Variants in GTF2H5 observed in about 807,000 individuals in gnomAD.
GTF2H5 encodes the protein TFB5 ortholog.
Under a neutral mutation model 7.1 loss-of-function variants are expected in GTF2H5, and 5 were observed. The observed-to-expected ratio is 0.71, with a 90% confidence interval of 0.37 to 1.49. The LOEUF (loss-of-function observed/expected upper bound fraction) is 1.49. GTF2H5 is among the 40% of genes most tolerant of loss of function. The probability of loss-of-function intolerance (pLI) is 0.03; values close to 1 mark genes in which losing one functional copy is unlikely to be tolerated. For synonymous variants in GTF2H5, 30 were observed against 31.7 expected, an observed-to-expected ratio of 0.95 and a Z score of 0.18; for missense variants, 80 against 83.0, an observed-to-expected ratio of 0.96 and a Z score of 0.14.
intron 2 of GTF2H5, 75 bp from the exon 3 acceptor site, chr6:158,191,902 C>A (rs1425475642): frequency 3.5e-6 from 4 of 1,157,972 alleles, no homozygotes; most frequent in Non-Finnish European, 5.2e-6. Flanking sequence ...TCTACATGTT[C>A]ACATTTAATT....
chr6:158,190,798 T>G, intron 2 of GTF2H5: 1 of 381,948 alleles, frequency 2.6e-6, no homozygotes. Context: ...TCTCAAGAAT[T>G]GCAAAAATCT....
rs1360340526 is a variant in GTF2H5, at chr6:158,169,374, T to C, written c.-35+979T>C. 6.4e-5 allele frequency among the ~76,000 whole-genome samples: 6 copies of C among 94,008 alleles called. 1 individual carries two copies. Among genetic ancestry groups the C allele is most frequent in the African/African-American group, 2.5e-4 (5 of 20,174 alleles). The allele number at this position is 94,008 out of a possible 152,430, so 61.7% of individuals were successfully genotyped here. On this transcript the variant is annotated intron_variant, in intron 1 of 2. Coordinates refer to ENST00000607778, the MANE Select transcript of GTF2H5 (RefSeq NM_207118.3). ...ATATATAATACATATATATAATATG[T>C]ATATTATATATTATATATAATATTA...
Position 158,192,342 on chromosome 6 carries a change from TA to T in GTF2H5, c.*198del, listed in dbSNP as rs3841147. 0.33 allele frequency: 157,814 copies of T among 472,478 alleles called. 3,613 individuals are homozygous for T. Among genetic ancestry groups the T allele is most frequent in the East Asian group, 0.47 (13,157 of 27,852 alleles). 29.3% of individuals were successfully genotyped at this position (472,478 alleles called of 1,614,324 possible). A position where few individuals can be genotyped will look rare whatever the true frequency, so the allele number is the denominator to read the frequency against. On this transcript the variant is annotated 3_prime_UTR_variant, in exon 3 of 3. Coordinates refer to ENST00000607778, the MANE Select transcript of GTF2H5 (RefSeq NM_207118.3). Reference sequence around the variant, plus strand: ...GAACTGATTTTGTTACCATAGAATTTAAAAAAAAAAAAAGCTTTAACAGTTG... The same window carrying T: ...GAACTGATTTTGTTACCATAGAATTTAAAAAAAAAAAAGCTTTAACAGTTG...
rs1221275262 is a variant in GTF2H5 at position 158,169,478 on chromosome 6, ATATAATATATTGTATAT to A, written c.-34-987_-34-971del. ...TTATATATATTATATTGTATATTAT[ATATAATATATTGTATAT>A]TATATAATATATTGTATATTATATA... On this transcript the variant is annotated intron_variant, in intron 1 of 2. Coordinates refer to ENST00000607778, the MANE Select transcript of GTF2H5 (RefSeq NM_207118.3). 1.7e-3 allele frequency among the ~76,000 whole-genome samples: 117 copies of A among 67,950 alleles called. 4 individuals carry two copies. Among genetic ancestry groups the A allele is most frequent in the African/African-American group, 6.4e-3 (87 of 13,680 alleles). The allele number at this position is 67,950 out of a possible 152,430, so 44.6% of individuals were successfully genotyped here.
intron 2 of GTF2H5, among the ~76,000 whole-genome samples, chr6:158,172,511 G>GAT (rs1785871793): frequency 6.6e-6 from 1 of 152,028 alleles, no homozygotes; most frequent in Non-Finnish European, 1.5e-5. Context: ...TGTTGGCCAG[G>GAT]CTGGTCTCGA....
rs1777096344 is a variant in GTF2H5, at chr6:158,195,701, T to G, written c.*3544T>G. 1 of 152,212 alleles carries G rather than the reference T, an allele frequency of 6.6e-6. No homozygotes were observed. The highest frequency in any genetic ancestry group is 2.4e-5 in the African/African-American group (1 of 41,454). The allele number at this position is 152,212 out of a possible 1,614,324, so 9.4% of individuals were successfully genotyped here. On this transcript the variant is annotated 3_prime_UTR_variant, in exon 3 of 3. Coordinates refer to ENST00000607778, the MANE Select transcript of GTF2H5 (RefSeq NM_207118.3). ...TACTTACTACTCTATTTTGCAGTTA[T>G]ACAATAAATCTTACTTAGCTGACAA...
intron 2 of GTF2H5, among the ~76,000 whole-genome samples, chr6:158,179,962 T>C (rs974716720): frequency 3.9e-5 from 6 of 152,174 alleles, no homozygotes; most frequent in African/African-American, 1.2e-4. Context: ...CAGTATGATA[T>C]TGGCTGTGGG....
intron 2 of GTF2H5, among the ~76,000 whole-genome samples, chr6:158,184,213 T>G (rs1391870787): frequency 6.6e-6 from 1 of 152,016 alleles, no homozygotes; most frequent in Non-Finnish European, 1.5e-5. Flanking sequence ...GGTAGTGATT[T>G]GGGTTTTCTG....
Position 158,169,462 on chromosome 6 carries a change from T to A in GTF2H5, c.-34-1008T>A, listed in dbSNP as rs191685855. Among the ~76,000 whole-genome samples the A allele has an allele frequency of 1.9e-3, 135 of 69,822 alleles. 5 individuals carry two copies. The highest frequency in any genetic ancestry group is 8.2e-3 in the Middle Eastern group (1 of 122). The allele number at this position is 69,822 out of a possible 152,430, so 45.8% of individuals were successfully genotyped here. On this transcript the variant is annotated intron_variant, in intron 1 of 2. Transcript: ENST00000607778. ...TTATATATATTATATATTATATATA[T>A]TATATTGTATATTATATATAATATA...
rs563031550 is a variant in GTF2H5, at chr6:158,199,034, C to A, written c.*6877C>A. 42 of 152,268 alleles carry A rather than the reference C, an allele frequency of 2.8e-4. No homozygotes were observed. The highest frequency in any genetic ancestry group is 9.9e-4 in the African/African-American group (41 of 41,558). The allele number at this position is 152,268 out of a possible 1,614,324, so 9.4% of individuals were successfully genotyped here. The stretch of plus-strand genomic sequence containing the variant: ...ATTTGTTAATTCTCCATGATTAGCA[C>A]CTTTATGTGGTTATCTCATTATTTT... On this transcript the variant is annotated 3_prime_UTR_variant, in exon 3 of 3. Transcript: ENST00000607778.
chr6:158,190,157 C>T (rs1777002837), intron 2 of GTF2H5, among the ~76,000 whole-genome samples: 1 of 152,048 alleles, frequency 6.6e-6, no homozygotes, highest in African/African-American at 2.4e-5. Context: ...CCAGCCTAGG[C>T]CTCTCGAAGT....
intron 2 of GTF2H5, among the ~76,000 whole-genome samples, chr6:158,180,342 T>C (rs996324191): frequency 6.6e-6 from 1 of 152,208 alleles, no homozygotes; most frequent in Admixed American, 6.5e-5. Context: ...TCTTTTTTTG[T>C]TGTGTTTCTG....
At chr6:158,183,034 A>G (rs1326793995) in intron 2 of GTF2H5, among the ~76,000 whole-genome samples, 1 of 151,726 alleles carries the variant, frequency 6.6e-6, no homozygotes, top group Non-Finnish European at 1.5e-5. Flanking sequence ...TTGGTCTTTG[A>G]TGTTGGTGAC....
intron 2 of GTF2H5, among the ~76,000 whole-genome samples, chr6:158,186,558 A>G (rs954737012): frequency 2.0e-5 from 3 of 152,398 alleles, no homozygotes; most frequent in Admixed American, 6.5e-5. Context: ...CTGTAAATCA[A>G]AAAGTATCTG....
In GTF2H5 at chr6:158,196,133, T is replaced by G. The variant is rs796704254; in HGVS notation, c.*3976T>G. ...CGTCTCTACTAAAAATACAAAAAAA[T>G]TAGCTGGGCATGGTGGTGGACGCCT... On this transcript the variant is annotated 3_prime_UTR_variant, in exon 3 of 3. Coordinates refer to ENST00000607778, the MANE Select transcript of GTF2H5 (RefSeq NM_207118.3). 3.9e-5 allele frequency: 6 copies of G among 152,158 alleles called. No homozygotes were observed. Among genetic ancestry groups the G allele is most frequent in the African/African-American group, 1.4e-4 (6 of 41,488 alleles). 9.4% of individuals were successfully genotyped at this position (152,158 alleles called of 1,614,324 possible).
chr6:158,170,593 G>A, intron 2 of GTF2H5, 55 bp downstream of exon 2: 1 of 1,193,644 alleles, frequency 8.4e-7, no homozygotes, highest in African/African-American at 1.5e-5. Flanking sequence ...ATCTTGACTT[G>A]TATGTATGTC....
intron 2 of GTF2H5, among the ~76,000 whole-genome samples, chr6:158,174,576 A>G (rs1202663972): frequency 2.0e-5 from 3 of 152,234 alleles, no homozygotes; most frequent in African/African-American, 7.2e-5. Context: ...GTTGGGATCC[A>G]CCATCAATTG....
intron 2 of GTF2H5, among the ~76,000 whole-genome samples, chr6:158,181,637 G>A (rs1387225727): frequency 6.6e-6 from 1 of 151,434 alleles, no homozygotes; most frequent in African/African-American, 2.4e-5. Flanking sequence ...GGCCTTCTTT[G>A]TCTCTTTTGA....
intron 2 of GTF2H5, among the ~76,000 whole-genome samples, chr6:158,184,109 A>G (rs1022142479): frequency 1.1e-4 from 16 of 152,186 alleles, no homozygotes; most frequent in African/African-American, 2.2e-4. Context: ...TAGATTTCCT[A>G]AGTAAAAGGC....
Sources: allele counts gnomAD v4.1 joint callset (sites outside exome capture counted in the v4.1 genomes callset), GRCh38; gene constraint gnomAD v4.1.1; transcripts MANE v1.5; gene names NCBI Gene and HGNC (gene_info 2026-07-23, HGNC 2026-07-21).